MED12L: variants seen among roughly 807,000 people sequenced by gnomAD.
The protein encoded by MED12L is mediator of RNA polymerase II transcription subunit 12-like protein.
Under a neutral mutation model 281.3 loss-of-function variants are expected in MED12L, and 60 were observed. The observed-to-expected ratio is 0.21, with a 90% confidence interval of 0.17 to 0.26. The LOEUF (loss-of-function observed/expected upper bound fraction) is 0.26. Among genes scored for constraint, MED12L ranks in the 10% least tolerant of loss-of-function variants. The pLI, the probability that MED12L is intolerant of heterozygous loss-of-function variation, is 1.00. For synonymous variants in MED12L, 974 were observed against 987.2 expected, an observed-to-expected ratio of 0.99 and a Z score of 0.25; for missense variants, 2,146 against 2,680.9, an observed-to-expected ratio of 0.80 and a Z score of 4.41.
intron 11 of MED12L, among the ~76,000 whole-genome samples, chr3:151,172,180 C>A (rs1355004986): frequency 6.6e-6 from 1 of 152,266 alleles, no homozygotes; most frequent in East Asian, 1.9e-4. Context: ...GTGAAATCAG[C>A]AGTTTAGTGT....
At chr3:151,352,272 A>G (rs1197582694) in intron 17 of MED12L, among the ~76,000 whole-genome samples, 1 of 152,214 alleles carries the variant, frequency 6.6e-6, no homozygotes, top group African/African-American at 2.4e-5. Context: ...TCAAAGTTTC[A>G]TATTTTGGAG....
In MED12L at chr3:151,435,062, C is replaced by CTTTTTTTTTTTTTTTTTTTTTTTTTTTT. The variant is rs66791814; in HGVS notation, c.*2278_*2279insTTTTTTTTTTTTTTTTTTTTTTTTTTTT. 2 of 119,082 alleles carry CTTTTTTTTTTTTTTTTTTTTTTTTTTTT rather than the reference C, an allele frequency of 1.7e-5. No individual in the cohort carries two copies. The highest frequency in any genetic ancestry group is 3.5e-5 in the Non-Finnish European group (2 of 57,276). 7.4% of individuals were successfully genotyped at this position (119,082 alleles called of 1,614,324 possible). Reference sequence around the variant, plus strand: ...GTTAATTCTGTATCTTGAGAGGTTTCTTTTTTTTTTTTTTTTTTTTCTTTT... The same window carrying CTTTTTTTTTTTTTTTTTTTTTTTTTTTT: ...GTTAATTCTGTATCTTGAGAGGTTTCTTTTTTTTTTTTTTTTTTTTTTTTTTTTTTTTTTTTTTTTTTTTTTTTCTTTT... On this transcript the variant is annotated 3_prime_UTR_variant, in exon 45 of 45. Coordinates refer to ENST00000687756, the MANE Select transcript of MED12L (RefSeq NM_001393769.1).
At chr3:151,208,472 G>A (rs563149893) in intron 16 of MED12L, among the ~76,000 whole-genome samples, 3 of 152,072 alleles carry the variant, frequency 2.0e-5, no homozygotes, top group Non-Finnish European at 4.4e-5. Context: ...ACCGGAGGTC[G>A]GGAGTTCGAG....
At chr3:151,305,265 A>G (rs187674574) in intron 16 of MED12L, among the ~76,000 whole-genome samples, 4 of 152,346 alleles carry the variant, frequency 2.6e-5, no homozygotes, top group African/African-American at 9.6e-5. Context: ...CCTTCAGCTG[A>G]GAGCTGATGA....
chr3:151,086,825 G>A lies in MED12L; in HGVS notation c.-102G>A. 2.3e-6 allele frequency: 2 copies of A among 868,338 alleles called. No individual in the cohort carries two copies. The highest frequency in any genetic ancestry group is 1.8e-5 in the South Asian group (1 of 55,604). 53.8% of individuals were successfully genotyped at this position (868,338 alleles called of 1,614,324 possible). On this transcript the variant is annotated 5_prime_UTR_variant, in exon 2 of 45. Transcript: ENST00000687756. ...CCACAGCGAGCGAGCGAGCGAGGAG[G>A]GGGAGAGAGGGAGTCTGTCTGCAAA...
Position 151,373,757 on chromosome 3 carries a change from A to T in MED12L, c.3864+991A>T, listed in dbSNP as rs528566310. ...TATTCATCCTATCACATCATTTGAC[A>T]TTTTAAAAATAGTTGGTATTTTCAT... On this transcript the variant is annotated intron_variant, in intron 27 of 44. Transcript: ENST00000687756. 1.2e-4 allele frequency among the ~76,000 whole-genome samples: 19 copies of T among 152,254 alleles called. No homozygotes were observed. In the East Asian group the frequency reaches 3.5e-3, roughly 28 times the overall value.
chr3:151,098,087 G>A (rs1210991350), intron 2 of MED12L, among the ~76,000 whole-genome samples: 4 of 152,198 alleles, frequency 2.6e-5, no homozygotes, highest in Admixed American at 6.5e-5. Flanking sequence ...CGCATGGTGC[G>A]GGGCATCCAG....
chr3:151,233,286 A>G (rs1199119682), intron 16 of MED12L, among the ~76,000 whole-genome samples: 2 of 152,154 alleles, frequency 1.3e-5, no homozygotes, highest in Non-Finnish European at 1.5e-5. Context: ...TATTCTCATC[A>G]CATTCTGTAG....
intron 16 of MED12L, chr3:151,199,585 C>T (rs1268647238): frequency 4.2e-6 from 2 of 475,218 alleles, no homozygotes; most frequent in East Asian, 6.2e-5. Flanking sequence ...CTGGTGAGAA[C>T]ATACTAGATT....
chr3:151,368,666 T>TG (rs1491410793), intron 25 of MED12L, among the ~76,000 whole-genome samples: 34 of 78,748 alleles, frequency 4.3e-4, no homozygotes, highest in Admixed American at 2.8e-3. Context: ...TTTCATTTCA[T>TG]TTCATTTCAT....
intron 16 of MED12L, among the ~76,000 whole-genome samples, chr3:151,246,937 A>G (rs1385253260): frequency 1.3e-5 from 2 of 152,108 alleles, no homozygotes; most frequent in Non-Finnish European, 2.9e-5. Context: ...AAAACAAACA[A>G]CCCCATCAAA....
intron 16 of MED12L, among the ~76,000 whole-genome samples, chr3:151,309,232 C>A (rs1332512731): frequency 6.6e-6 from 1 of 152,104 alleles, no homozygotes; most frequent in Non-Finnish European, 1.5e-5. Context: ...TAAACAATGT[C>A]TCTTAAACTA....
chr3:151,407,681 AC>A (rs1560133653), intron 39 of MED12L, among the ~76,000 whole-genome samples: 1 of 152,242 alleles, frequency 6.6e-6, no homozygotes, highest in Non-Finnish European at 1.5e-5. Context: ...AAATGGAGAT[AC>A]AATTGTTTTT....
intron 16 of MED12L, among the ~76,000 whole-genome samples, chr3:151,216,406 G>A (rs1003073423): frequency 1.3e-5 from 2 of 152,122 alleles, no homozygotes; most frequent in African/African-American, 4.8e-5. Context: ...GCATGACAAA[G>A]GGATATTTTG....
At chr3:151,395,896 G>A (rs553974141) in intron 39 of MED12L, among the ~76,000 whole-genome samples, 33 of 152,170 alleles carry the variant, frequency 2.2e-4, no homozygotes, top group Non-Finnish European at 4.1e-4. Context: ...TGTAATTTAC[G>A]GCACTTCCTG....
chr3:151,300,436 C>T (rs1745744875), intron 16 of MED12L, among the ~76,000 whole-genome samples: 1 of 152,132 alleles, frequency 6.6e-6, no homozygotes, highest in African/African-American at 2.4e-5. Flanking sequence ...TTCTTCACAA[C>T]ATCTTAATAA....
chr3:151,281,335 G>C lies in MED12L; in HGVS notation c.2251-68724G>C, dbSNP rs111797687. On this transcript the variant is annotated intron_variant, in intron 16 of 44. Coordinates refer to ENST00000687756, the MANE Select transcript of MED12L (RefSeq NM_001393769.1). Reference sequence around the variant, plus strand: ...TGAGGCAGGAGAATCACTCGAACCCGGGAGGTGGAAGTTGCAGTGAGCTGA... The same window carrying C: ...TGAGGCAGGAGAATCACTCGAACCCCGGAGGTGGAAGTTGCAGTGAGCTGA... Among the ~76,000 whole-genome samples the C allele has an allele frequency of 6.8e-4, 103 of 151,480 alleles. 1 individual carries two copies. Among genetic ancestry groups the C allele is most frequent in the South Asian group, 6.3e-3 (30 of 4,784 alleles).
chr3:151,347,388 G>A (rs1380828751), intron 16 of MED12L, among the ~76,000 whole-genome samples: 1 of 152,114 alleles, frequency 6.6e-6, no homozygotes, highest in African/African-American at 2.4e-5. Flanking sequence ...CAGACATGGA[G>A]TCTTCCACAA....
At chr3:151,217,670 C>G (rs1728510131) in intron 16 of MED12L, among the ~76,000 whole-genome samples, 1 of 152,172 alleles carries the variant, frequency 6.6e-6, no homozygotes, top group African/African-American at 2.4e-5. Context: ...TTTGATACAG[C>G]AGAGGCTCAT....
Sources: allele counts gnomAD v4.1 joint callset (sites outside exome capture counted in the v4.1 genomes callset), GRCh38; gene constraint gnomAD v4.1.1; transcripts MANE v1.5; gene names NCBI Gene and HGNC (gene_info 2026-07-23, HGNC 2026-07-21).